FGD4: variants seen among roughly 807,000 people sequenced by gnomAD.
The protein encoded by FGD4 is FYVE, RhoGEF and PH domain containing 4.
FGD4 carries 42 observed loss-of-function variants against 102.0 expected under a neutral mutation model. That is an observed-to-expected ratio of 0.41 (90% CI 0.32 to 0.53). The LOEUF is 0.53. Ranked by LOEUF, FGD4 falls within the 20% of genes least tolerant of loss-of-function variation. The pLI is 0.21. For synonymous variants in FGD4, 380 were observed against 375.7 expected (o/e 1.01, Z -0.13); for missense variants, 902 against 1,078.2 (o/e 0.84, Z 2.29).
chr12:32,605,371 A>T (rs1221187411), intron 7 of FGD4, among the ~76,000 whole-genome samples: 1 of 151,104 alleles, frequency 6.6e-6, no homozygotes, highest in Non-Finnish European at 1.5e-5. Flanking sequence ...CCCCTACCTT[A>T]CTGAATATTG....
At position 32,461,960 on chromosome 12, in the gene FGD4, C is replaced by T. The variant is rs531669562; in HGVS notation, c.166+62001C>T. On this transcript the variant is annotated intron_variant, in intron 1 of 16. Transcript: ENST00000534526. ...CATGCTGGTCTTGAACTTCTGACCT[C>T]GTGATCCACCCGCCTCAGCCTCCCA... 3.3e-5 allele frequency among the ~76,000 whole-genome samples: 5 copies of T among 152,182 alleles called. No homozygotes were observed. In the South Asian group the frequency reaches 8.3e-4, roughly 25 times the overall value.
chr12:32,570,105 G>C (rs1330388358), intron 2 of FGD4, among the ~76,000 whole-genome samples: 1 of 151,954 alleles, frequency 6.6e-6, no homozygotes, highest in Non-Finnish European at 1.5e-5. Flanking sequence ...CCAGTCGTGG[G>C]TGGTGCGTAC....
intron 1 of FGD4, among the ~76,000 whole-genome samples, chr12:32,435,544 C>CT (rs1020843857): frequency 3.5e-5 from 5 of 144,764 alleles, no homozygotes; most frequent in African/African-American, 5.3e-5. Context: ...TGGAATTGGC[C>CT]TTTTTTTTGT....
intron 1 of FGD4, 70 bp downstream of exon 1, chr12:32,400,029 C>A (rs1940581685): frequency 7.1e-7 from 1 of 1,401,250 alleles, no homozygotes; most frequent in Non-Finnish European, 9.2e-7. Context: ...GCTCCCAGCG[C>A]CCTGCAGGTG....
chr12:32,599,511 A>T (rs1948199140), intron 5 of FGD4, among the ~76,000 whole-genome samples: 1 of 123,564 alleles, frequency 8.1e-6, no homozygotes, highest in Non-Finnish European at 1.7e-5. Context: ...AAAAAAAAGA[A>T]TAACTTTTGA....
At chr12:32,557,428 C>T (rs1433568024) in intron 1 of FGD4, among the ~76,000 whole-genome samples, 1 of 152,144 alleles carries the variant, frequency 6.6e-6, no homozygotes, top group Non-Finnish European at 1.5e-5. Context: ...AGATATTATA[C>T]ATATTCTACA....
chr12:32,465,322 C>A (rs1301289423), intron 1 of FGD4, among the ~76,000 whole-genome samples: 1 of 151,834 alleles, frequency 6.6e-6, no homozygotes, highest in African/African-American at 2.4e-5. Context: ...TGCCATAGCC[C>A]CCCCAGCCCT....
chr12:32,564,181 A>G lies in FGD4; in HGVS notation c.211A>G (p.Thr71Ala), dbSNP rs1944991451. The G allele has an allele frequency of 3.9e-6, 6 of 1,536,108 alleles. No homozygotes were observed. In the South Asian group the frequency reaches 4.8e-5, roughly 12 times the overall value. ...GATCGCTTTAGTTCCACCTTGCTCC[A>G]CAAGCAGCACAACCACACTGGTTGG... The part of the protein sequence containing the change: ...PKIALVPPCS[T>A]SSTTTLVGEN... The change falls in exon 2 of 17, where the codon ACA (threonine) becomes GCA (alanine). Residue 71 changes from threonine (T) to alanine (A), a missense_variant. Physicochemically the swap from Thr to Ala is moderately conservative, Grantham distance 58. Transcript: ENST00000534526.
intron 1 of FGD4, among the ~76,000 whole-genome samples, chr12:32,563,866 C>T (rs920255656): frequency 1.1e-4 from 16 of 152,172 alleles, no homozygotes; most frequent in Admixed American, 7.2e-4. Flanking sequence ...TCAGGCATGG[C>T]GGCGCGGGCA....
intron 1 of FGD4, among the ~76,000 whole-genome samples, chr12:32,428,539 G>A (rs1204071568): frequency 1.3e-5 from 2 of 151,996 alleles, no homozygotes; most frequent in African/African-American, 4.8e-5. Context: ...ATAATTATGT[G>A]TCTTGGGGTC....
intron 1 of FGD4, among the ~76,000 whole-genome samples, chr12:32,505,499 T>G (rs965447279): frequency 6.6e-5 from 10 of 152,238 alleles, no homozygotes; most frequent in Admixed American, 2.0e-4. Flanking sequence ...TTTTTATAAC[T>G]GCTCTTGAGT....
At chr12:32,463,509 G>A (rs1213534302) in intron 1 of FGD4, among the ~76,000 whole-genome samples, 1 of 152,190 alleles carries the variant, frequency 6.6e-6, no homozygotes, top group Non-Finnish European at 1.5e-5. Flanking sequence ...TTGAGCTTCA[G>A]ATATCTAAAA....
At chr12:32,528,303 G>A (rs1218543874) in intron 1 of FGD4, among the ~76,000 whole-genome samples, 1 of 152,164 alleles carries the variant, frequency 6.6e-6, no homozygotes, top group Non-Finnish European at 1.5e-5. Flanking sequence ...TTGGTTCCAG[G>A]ACCATCACCC....
intron 1 of FGD4, among the ~76,000 whole-genome samples, chr12:32,486,571 T>C (rs1417305854): frequency 6.6e-6 from 1 of 152,204 alleles, no homozygotes; most frequent in Non-Finnish European, 1.5e-5. Context: ...CTTTAGCCAG[T>C]TTCTTAAAAC....
At chr12:32,494,191 A>C (rs888791128) in intron 1 of FGD4, among the ~76,000 whole-genome samples, 8 of 152,306 alleles carry the variant, frequency 5.3e-5, no homozygotes, top group African/African-American at 1.9e-4. Flanking sequence ...GGTGTGTGCC[A>C]CCACACCCAG....
chr12:32,494,241 T>G (rs1373528416), intron 1 of FGD4, among the ~76,000 whole-genome samples: 1 of 152,084 alleles, frequency 6.6e-6, no homozygotes. Context: ...TTTGTAGAGA[T>G]GAGATCTCGC....
chr12:32,466,867 C>CA (rs35375727), intron 1 of FGD4, among the ~76,000 whole-genome samples: 11,129 of 62,118 alleles, frequency 0.18, 1,404 homozygotes, highest in African/African-American at 0.37. Context: ...GAGTCTGTCT[C>CA]AAAAAAAAAA....
chr12:32,624,969 A>G lies in FGD4; in HGVS notation c.1954-7A>G. The G allele has an allele frequency of 5.6e-6, 9 of 1,611,932 alleles. No homozygotes were observed. Among genetic ancestry groups the G allele is most frequent in the Non-Finnish European group, 7.6e-6 (9 of 1,178,362 alleles). On this transcript the variant is annotated splice_polypyrimidine_tract_variant and splice_region_variant and intron_variant, in intron 12 of 16. Transcript: ENST00000534526. ...AATGTGTGCTTTGAATTTTACTTAT[A>G]CTTTAGGCCCTTCAAGAAACCATCG...
At chr12:32,568,065 T>C (rs529373189) in intron 2 of FGD4, among the ~76,000 whole-genome samples, 2 of 141,522 alleles carry the variant, frequency 1.4e-5, no homozygotes, top group South Asian at 4.3e-4. Context: ...TCTGGAACAA[T>C]ATATGGTTTA....
Sources: gnomAD v4.1 joint callset for allele counts (sites outside exome capture counted in the v4.1 genomes callset) on GRCh38, gnomAD v4.1.1 for gene constraint, MANE v1.5 for transcripts, NCBI Gene and HGNC (gene_info 2026-07-23, HGNC 2026-07-21) for gene names.